DTNA: variants seen among roughly 807,000 people sequenced by gnomAD.
The protein encoded by DTNA is dystrobrevin alpha, also known as dystrophin-related protein 3.
Under a neutral mutation model 100.7 loss-of-function variants are expected in DTNA, and 43 were observed. The ratio of observed to expected loss-of-function variants is 0.43; its 90% CI spans 0.33 to 0.55. DTNA has a LOEUF of 0.55. DTNA is among the 20% of genes least tolerant of loss of function. The pLI, the probability that DTNA is intolerant of heterozygous loss-of-function variation, is 0.04. For synonymous variants in DTNA, 349 were observed against 347.9 expected, an observed-to-expected ratio of 1.00 and a Z score of -0.04; for missense variants, 798 against 953.9, an observed-to-expected ratio of 0.84 and a Z score of 2.15.
chr18:34,660,206 C>T (rs572975429), intron 1 of DTNA, among the ~76,000 whole-genome samples: 1 of 152,064 alleles, frequency 6.6e-6, no homozygotes, highest in East Asian at 1.9e-4. Context: ...AAATTCTAAG[C>T]CCCCCAACCA....
chr18:34,667,737 C>T (rs890944561), intron 1 of DTNA, among the ~76,000 whole-genome samples: 55 of 152,182 alleles, frequency 3.6e-4, no homozygotes, highest in African/African-American at 1.3e-3. Context: ...TATTGATTTG[C>T]GTATGTTGAA....
At chr18:34,637,970 C>G (rs1004569758) in intron 1 of DTNA, among the ~76,000 whole-genome samples, 2 of 152,228 alleles carry the variant, frequency 1.3e-5, no homozygotes, top group Admixed American at 6.5e-5. Context: ...GGCATCTCCT[C>G]TTCACATTGG....
At chr18:34,716,525 T>C (rs2084113421) in intron 1 of DTNA, among the ~76,000 whole-genome samples, 1 of 152,098 alleles carries the variant, frequency 6.6e-6, no homozygotes, top group Non-Finnish European at 1.5e-5. Context: ...ATCACACCAT[T>C]GTACTCCGGC....
chr18:34,539,264 A>G (rs961855669), intron 1 of DTNA, among the ~76,000 whole-genome samples: 3 of 152,008 alleles, frequency 2.0e-5, no homozygotes, highest in African/African-American at 7.2e-5. Flanking sequence ...TTCAAAAAAA[A>G]AAAGTTGGCA....
At chr18:34,497,127 T>G (rs116800819) in intron 1 of DTNA, among the ~76,000 whole-genome samples, 48 of 152,358 alleles carry the variant, frequency 3.2e-4, no homozygotes, top group Admixed American at 9.8e-4. Context: ...GCAACTACTT[T>G]CAAACTGAAA....
chr18:34,867,932 A>G, intron 17 of DTNA: 3 of 985,348 alleles, frequency 3.0e-6, no homozygotes, highest in Non-Finnish European at 3.6e-6. Context: ...TCAGCAATAC[A>G]TCGTCTGGGT....
intron 1 of DTNA, among the ~76,000 whole-genome samples, chr18:34,591,959 A>G (rs2049776789): frequency 6.6e-6 from 1 of 152,208 alleles, no homozygotes; most frequent in Admixed American, 6.5e-5. Flanking sequence ...ATGATAAAAT[A>G]TAACCCAAAA....
intron 1 of DTNA, among the ~76,000 whole-genome samples, chr18:34,647,272 A>G (rs2059955932): frequency 6.6e-6 from 1 of 152,186 alleles, no homozygotes; most frequent in African/African-American, 2.4e-5. Flanking sequence ...CTACCAGTCC[A>G]GGATGGGTGG....
intron 1 of DTNA, among the ~76,000 whole-genome samples, chr18:34,607,253 G>A (rs1308231314): frequency 6.6e-6 from 1 of 152,182 alleles, no homozygotes; most frequent in Non-Finnish European, 1.5e-5. Flanking sequence ...AAGTGCAGCT[G>A]TAGGTAGCAA....
At chr18:34,505,576 C>G (rs1288377063) in intron 1 of DTNA, among the ~76,000 whole-genome samples, 1 of 152,056 alleles carries the variant, frequency 6.6e-6, no homozygotes, top group Non-Finnish European at 1.5e-5. Context: ...ATTTTTCTAT[C>G]TTGTAGCTCC....
chr18:34,617,668 C>T (rs111643855), intron 1 of DTNA, among the ~76,000 whole-genome samples: 7 of 152,156 alleles, frequency 4.6e-5, no homozygotes, highest in Non-Finnish European at 1.0e-4. Context: ...TCCCCCTCCT[C>T]AATGTTCTGG....
At chr18:34,758,795 G>C (rs1363385039) in intron 2 of DTNA, among the ~76,000 whole-genome samples, 1 of 152,152 alleles carries the variant, frequency 6.6e-6, no homozygotes, top group Admixed American at 6.5e-5. Context: ...GAGCAAGGAA[G>C]AAGTCTATCT....
chr18:34,722,060 A>C (rs2085459676), intron 1 of DTNA, among the ~76,000 whole-genome samples: 1 of 152,148 alleles, frequency 6.6e-6, no homozygotes, highest in East Asian at 1.9e-4. Context: ...AAAATGTTTA[A>C]AAAAAGTCCA....
At chr18:34,567,207 G>A (rs2047161131) in intron 1 of DTNA, among the ~76,000 whole-genome samples, 1 of 151,922 alleles carries the variant, frequency 6.6e-6, no homozygotes, top group Non-Finnish European at 1.5e-5. Context: ...GGTAAATTTG[G>A]GCATTTTAGA....
chr18:34,685,020 G>A (rs139069975), intron 1 of DTNA, among the ~76,000 whole-genome samples: 3,697 of 152,240 alleles, frequency 0.024, 172 homozygotes, highest in African/African-American at 0.085. Flanking sequence ...ATTTGTTTAA[G>A]TTCCTTGTAG....
At chr18:34,651,372 TAATA>T (rs2060425127) in intron 1 of DTNA, among the ~76,000 whole-genome samples, 1 of 149,498 alleles carries the variant, frequency 6.7e-6, no homozygotes, top group African/African-American at 2.5e-5. Context: ...CAATAAATGC[TAATA>T]GTCATTACTA....
intron 13 of DTNA, among the ~76,000 whole-genome samples, chr18:34,847,464 A>G (rs1012178850): frequency 6.6e-6 from 1 of 152,242 alleles, no homozygotes; most frequent in African/African-American, 2.4e-5. Context: ...ACAAACATTT[A>G]TCATCTCAGA....
intron 1 of DTNA, among the ~76,000 whole-genome samples, chr18:34,668,531 T>C (rs1325168992): frequency 6.6e-6 from 1 of 152,184 alleles, no homozygotes; most frequent in Non-Finnish European, 1.5e-5. Flanking sequence ...GTGTCAATTT[T>C]AGATCTTTCC....
chr18:34,734,067 C>G (rs971079714), intron 1 of DTNA, among the ~76,000 whole-genome samples: 2 of 152,138 alleles, frequency 1.3e-5, no homozygotes, highest in African/African-American at 4.8e-5. Flanking sequence ...CAGTTCTTTT[C>G]AAGTGTAGAG....
Sources: gnomAD v4.1 joint callset for allele counts (sites outside exome capture counted in the v4.1 genomes callset) on GRCh38, gnomAD v4.1.1 for gene constraint, MANE v1.5 for transcripts, NCBI Gene and HGNC (gene_info 2026-07-23, HGNC 2026-07-21) for gene names.